ENTREP1: variants seen among roughly 807,000 people sequenced by gnomAD.
ENTREP1 encodes Friedreich ataxia region gene X123.
At chr9:69,339,101 C>T in the ENTREP1 span, among the ~76,000 whole-genome samples, 1 of 152,002 alleles carries the variant, frequency 6.6e-6, no homozygotes, top group African/African-American at 2.4e-5. Flanking sequence ...CTCATTGCAG[C>T]CTCAAACTCC....
chr9:69,340,819 G>GTGTGTA, the ENTREP1 span, among the ~76,000 whole-genome samples: 1 of 151,802 alleles, frequency 6.6e-6, no homozygotes, highest in Admixed American at 6.6e-5. Flanking sequence ...GTGTATGTGT[G>GTGTGTA]TGTGTGTGTA....
At chr9:69,336,167 T>G in the ENTREP1 span, 1 of 1,001,384 alleles carries the variant, frequency 1.0e-6, no homozygotes, top group South Asian at 1.6e-5. Context: ...GATTTGTTTA[T>G]TGGAATTGGT....
the ENTREP1 span, chr9:69,381,406 G>T: frequency 6.6e-6 from 1 of 152,114 alleles, no homozygotes; most frequent in African/African-American, 2.4e-5. Context: ...GTAGAACAGG[G>T]CTTTAATTTC....
the ENTREP1 span, chr9:69,375,867 A>G: frequency 6.2e-7 from 1 of 1,612,678 alleles, no homozygotes; most frequent in South Asian, 1.1e-5. Flanking sequence ...TACTTAAGGT[A>G]CCTCAAACAG....
the ENTREP1 span, chr9:69,391,450 C>T: frequency 1.6e-6 from 1 of 640,756 alleles, no homozygotes; most frequent in Non-Finnish European, 2.7e-6. Context: ...TCTGGAATTC[C>T]AAGTGAGTTC....
At chr9:69,329,424 T>C in the ENTREP1 span, 131 of 984,250 alleles carry the variant, frequency 1.3e-4, no homozygotes, top group Non-Finnish European at 1.5e-4. Flanking sequence ...TTTTGGAGGC[T>C]TCTTTCACTT....
the ENTREP1 span, chr9:69,325,804 G>A: frequency 8.3e-7 from 1 of 1,209,916 alleles, no homozygotes; most frequent in Non-Finnish European, 1.0e-6. Context: ...TTGCCCCTTT[G>A]TTGGCCTCCA....
At chr9:69,373,427 G>A in the ENTREP1 span, among the ~76,000 whole-genome samples, 1 of 152,056 alleles carries the variant, frequency 6.6e-6, no homozygotes, top group African/African-American at 2.4e-5. Flanking sequence ...TGTTTTCATG[G>A]TCATGTAATC....
the ENTREP1 span, among the ~76,000 whole-genome samples, chr9:69,335,740 G>C: frequency 2.7e-5 from 3 of 112,022 alleles, no homozygotes; most frequent in East Asian, 4.8e-4. Flanking sequence ...GCTTGACTGA[G>C]AAATAGTGAT....
the ENTREP1 span, chr9:69,379,900 T>G: frequency 1.7e-4 from 26 of 152,310 alleles, no homozygotes; most frequent in African/African-American, 6.3e-4. Flanking sequence ...TCTTCTCTGC[T>G]TCACCATAAT....
At chr9:69,361,925 A>G in the ENTREP1 span, among the ~76,000 whole-genome samples, 5 of 152,202 alleles carry the variant, frequency 3.3e-5, no homozygotes, top group South Asian at 1.0e-3. Context: ...TGCTGTTCTC[A>G]TGTTCTCTCT....
At chr9:69,343,396 A>G in the ENTREP1 span, among the ~76,000 whole-genome samples, 8 of 152,176 alleles carry the variant, frequency 5.3e-5, no homozygotes, top group Admixed American at 2.6e-4. Context: ...CTCAGAAGGG[A>G]TGAGCCAAGG....
the ENTREP1 span, among the ~76,000 whole-genome samples, chr9:69,328,377 C>G: frequency 6.6e-6 from 1 of 152,118 alleles, no homozygotes; most frequent in Non-Finnish European, 1.5e-5. Flanking sequence ...GTCCGAAGAA[C>G]CATTCCCTTC....
At chr9:69,328,350 A>G in the ENTREP1 span, among the ~76,000 whole-genome samples, 1 of 152,226 alleles carries the variant, frequency 6.6e-6, no homozygotes, top group Non-Finnish European at 1.5e-5. Context: ...TATAACCAGC[A>G]TAGGATTGAG....
the ENTREP1 span, among the ~76,000 whole-genome samples, chr9:69,330,689 T>C: frequency 4.6e-5 from 7 of 152,380 alleles, no homozygotes; most frequent in Admixed American, 4.6e-4. Context: ...ATTTAAACTA[T>C]AATTTTGGGG....
At chr9:69,325,547 G>A in the ENTREP1 span, 12 of 1,172,094 alleles carry the variant, frequency 1.0e-5, no homozygotes, top group Non-Finnish European at 1.3e-5. Flanking sequence ...CCGGGCAGTC[G>A]CCGCCGCTGC....
the ENTREP1 span, chr9:69,383,818 G>A: frequency 1.9e-5 from 31 of 1,602,988 alleles, no homozygotes; most frequent in Middle Eastern, 1.7e-4. Flanking sequence ...AGACAGCACC[G>A]CCCCACCCCC....
At chr9:69,373,571 C>A in the ENTREP1 span, among the ~76,000 whole-genome samples, 15 of 151,940 alleles carry the variant, frequency 9.9e-5, no homozygotes, top group African/African-American at 3.4e-4. Flanking sequence ...CAGACTAACA[C>A]CCTTAATTTC....
chr9:69,349,328 C>T, the ENTREP1 span, among the ~76,000 whole-genome samples: 1 of 151,900 alleles, frequency 6.6e-6, no homozygotes. Flanking sequence ...GTGGTAACTA[C>T]ATGTTTAACG....
Sources: gnomAD v4.1 joint callset for allele counts (sites outside exome capture counted in the v4.1 genomes callset) on GRCh38, gnomAD v4.1.1 for gene constraint, MANE v1.5 for transcripts, NCBI Gene and HGNC (gene_info 2026-07-23, HGNC 2026-07-21) for gene names.